Variants in CACNA2D2 observed in about 807,000 individuals in gnomAD.
The protein encoded by CACNA2D2 is calcium voltage-gated channel auxiliary subunit alpha2delta 2, also known as voltage-dependent calcium channel subunit alpha-2/delta-2.
CACNA2D2 carries 48 observed loss-of-function variants against 166.4 expected under a neutral mutation model. The ratio of observed to expected loss-of-function variants is 0.29; its 90% CI spans 0.23 to 0.37. The LOEUF is 0.37. Among genes scored for constraint, CACNA2D2 ranks in the 10% least tolerant of loss-of-function variants. The pLI is 1.00. For missense variants in CACNA2D2, 1,122 were observed against 1,433.0 expected (o/e 0.78, Z 3.50); for synonymous variants, 561 against 573.7 (o/e 0.98, Z 0.32).
At chr3:50,429,398 G>A (rs1033223370) in intron 3 of CACNA2D2, among the ~76,000 whole-genome samples, 2 of 151,904 alleles carry the variant, frequency 1.3e-5, no homozygotes, top group Non-Finnish European at 2.9e-5. Flanking sequence ...TCCGGCACTT[G>A]GTGGGCACTC....
intron 1 of CACNA2D2, among the ~76,000 whole-genome samples, chr3:50,483,270 G>A (rs746548642): frequency 1.3e-5 from 2 of 152,172 alleles, no homozygotes; most frequent in Non-Finnish European, 2.9e-5. Flanking sequence ...CTCATTGCAT[G>A]CACACAGGAA....
chr3:50,421,519 T>G (rs537680898), intron 3 of CACNA2D2, among the ~76,000 whole-genome samples: 1 of 152,220 alleles, frequency 6.6e-6, no homozygotes, highest in African/African-American at 2.4e-5. Context: ...CTGCTGGGCC[T>G]GGGGACAGGG....
intron 2 of CACNA2D2, among the ~76,000 whole-genome samples, chr3:50,460,341 ATAACT>A (rs1709536524): frequency 6.6e-6 from 1 of 152,228 alleles, no homozygotes; most frequent in African/African-American, 2.4e-5. Context: ...ATGCAAGACG[ATAACT>A]TAAAGGAAAC....
At chr3:50,387,659 G>C (rs752080784) in intron 4 of CACNA2D2, 47 bp from the exon 5 acceptor site, 1 of 1,446,890 alleles carries the variant, frequency 6.9e-7, no homozygotes, top group Admixed American at 1.7e-5. Context: ...AGGGTCCCGA[G>C]ACAGACAGGA....
intron 2 of CACNA2D2, among the ~76,000 whole-genome samples, chr3:50,455,395 CCAGT>C (rs1488844502): frequency 1.3e-5 from 2 of 152,180 alleles, no homozygotes; most frequent in Non-Finnish European, 2.9e-5. Context: ...GCCGCCAGGA[CCAGT>C]CAAAGTAATA....
chr3:50,481,656 T>C (rs966668994), intron 1 of CACNA2D2, among the ~76,000 whole-genome samples: 5 of 152,178 alleles, frequency 3.3e-5, no homozygotes, highest in African/African-American at 4.8e-5. Context: ...TCTCTCATGA[T>C]AGGCTGGCCA....
chr3:50,396,592 T>C (rs1205916305), intron 3 of CACNA2D2, among the ~76,000 whole-genome samples: 1 of 152,088 alleles, frequency 6.6e-6, no homozygotes, highest in Non-Finnish European at 1.5e-5. Flanking sequence ...TGCAGTGACC[T>C]TGTGTAGAGG....
chr3:50,445,687 C>G (rs1486878118), intron 2 of CACNA2D2, among the ~76,000 whole-genome samples: 1 of 152,208 alleles, frequency 6.6e-6, no homozygotes, highest in African/African-American at 2.4e-5. Context: ...GCTCTGAAAA[C>G]ACATGCACTC....
At chr3:50,368,290 G>A (rs1387972384) in intron 23 of CACNA2D2, 55 bp from the exon 24 acceptor site, 5 of 1,111,670 alleles carry the variant, frequency 4.5e-6, no homozygotes. Context: ...CAGGGCAATG[G>A]GGTCAAGGCT....
Position 50,379,407 on chromosome 3 carries a change from C to T in CACNA2D2, c.1152+25G>A. The stretch of plus-strand genomic sequence containing the variant: ...CAGGGCCCTCTACTCCCCCAGCCGC[C>T]CACTTGCCCACCCATGGGGCTCACG... On this transcript the variant is annotated intron_variant, in intron 11 of 37. Transcript: ENST00000424201. This position sits in a 1 kb window ranked among gnomAD's most constrained non-coding sequence, Gnocchi z 6.5. 1 of 1,610,264 alleles carries T rather than the reference C, an allele frequency of 6.2e-7. No individual in the cohort carries two copies. The highest frequency in any genetic ancestry group is 8.5e-7 in the Non-Finnish European group (1 of 1,177,516).
chr3:50,491,925 C>T (rs1270974186), intron 1 of CACNA2D2, among the ~76,000 whole-genome samples: 1 of 152,204 alleles, frequency 6.6e-6, no homozygotes, highest in African/African-American at 2.4e-5. Flanking sequence ...CCAGCCCAGA[C>T]CCAGGATTGG....
intron 2 of CACNA2D2, among the ~76,000 whole-genome samples, chr3:50,444,788 A>C (rs995382988): frequency 1.3e-5 from 2 of 152,206 alleles, no homozygotes; most frequent in Non-Finnish European, 2.9e-5. Context: ...AGAGAGATGA[A>C]GGTAAGCCCA....
intron 3 of CACNA2D2, among the ~76,000 whole-genome samples, chr3:50,401,496 A>ATG (rs1242387631): frequency 6.6e-5 from 10 of 152,132 alleles, no homozygotes; most frequent in Admixed American, 1.3e-4. Context: ...GTGGCCTGTG[A>ATG]TGGAGAAGCA....
chr3:50,432,860 G>A (rs1040113406), intron 3 of CACNA2D2, among the ~76,000 whole-genome samples: 2 of 152,246 alleles, frequency 1.3e-5, no homozygotes, highest in African/African-American at 4.8e-5. Context: ...CCAGCTCCTG[G>A]AGAAGGAAAT....
intron 22 of CACNA2D2, among the ~76,000 whole-genome samples, chr3:50,371,647 G>A (rs1001952547): frequency 3.3e-5 from 5 of 152,168 alleles, no homozygotes; most frequent in Non-Finnish European, 7.4e-5. Context: ...AAGATTCTGG[G>A]GAAGGGGGCA....
intron 1 of CACNA2D2, among the ~76,000 whole-genome samples, chr3:50,484,615 G>A (rs1050408565): frequency 6.6e-6 from 1 of 152,074 alleles, no homozygotes; most frequent in Admixed American, 6.5e-5. Flanking sequence ...CCACACACAC[G>A]TCACCTGCTC....
rs58210162 is a variant in CACNA2D2, at chr3:50,475,781, G to A, written c.288+337C>T. 5.3e-5 allele frequency among the ~76,000 whole-genome samples: 8 copies of A among 152,230 alleles called. No individual in the cohort carries two copies. The South Asian group carries it at 8.3e-4, about 16-fold the overall frequency. ...CCCTTCAGCTCCTGTGCACCCCTGC[G>A]TCCACTGACCCCTCCTGGGCCTGGG... On this transcript the variant is annotated intron_variant, in intron 2 of 37. Transcript: ENST00000424201.
intron 2 of CACNA2D2, among the ~76,000 whole-genome samples, chr3:50,452,784 G>C (rs889740431): frequency 6.6e-6 from 1 of 152,170 alleles, no homozygotes; most frequent in Admixed American, 6.5e-5. Flanking sequence ...ATCCTCAGGG[G>C]GTTATAGTTT....
intron 2 of CACNA2D2, among the ~76,000 whole-genome samples, chr3:50,465,049 G>C (rs1709769116): frequency 6.6e-6 from 1 of 152,200 alleles, no homozygotes; most frequent in Non-Finnish European, 1.5e-5. Flanking sequence ...CTGTACTCCT[G>C]GAGTCCATAC....
Sources: allele counts gnomAD v4.1 joint callset (sites outside exome capture counted in the v4.1 genomes callset), GRCh38; gene constraint gnomAD v4.1.1; non-coding constraint Gnocchi (gnomAD v3.1); transcripts MANE v1.5; gene names NCBI Gene and HGNC (gene_info 2026-07-23, HGNC 2026-07-21).